The following TLN2 variants were observed in gnomAD, a reference collection of about 807,000 sequenced individuals.
TLN2 encodes talin 2.
In TLN2, 118 loss-of-function variants were observed where a neutral mutation model predicts 294.7. The observed-to-expected ratio is 0.40, with a 90% CI of 0.34 to 0.47. TLN2 has a LOEUF of 0.47. Ranked by LOEUF, TLN2 falls within the 20% of genes least tolerant of loss-of-function variation. TLN2 has a pLI of 0.84. For synonymous variants in TLN2, 1,431 were observed against 1,304.5 expected (o/e 1.10, Z -2.09); for missense variants, 3,083 against 3,282.2 (o/e 0.94, Z 1.48).
intron 1 of TLN2, among the ~76,000 whole-genome samples, chr15:62,557,942 G>A (rs781429317): frequency 3.3e-5 from 5 of 152,218 alleles, no homozygotes; most frequent in Admixed American, 6.5e-5. Flanking sequence ...GGTTCTTGGA[G>A]CCCTGTGTTC....
chr15:62,799,602 C>T (rs1015641508), intron 48 of TLN2, among the ~76,000 whole-genome samples: 2 of 152,194 alleles, frequency 1.3e-5, no homozygotes, highest in African/African-American at 2.4e-5. Flanking sequence ...CTGTTACAAG[C>T]GTGAAACAAA....
intron 1 of TLN2, among the ~76,000 whole-genome samples, chr15:62,588,767 T>G (rs1201383090): frequency 7.1e-6 from 1 of 141,230 alleles, no homozygotes; most frequent in Non-Finnish European, 1.5e-5. Context: ...TATAAAGGAC[T>G]GAGACATGTA....
At chr15:62,581,515 C>G (rs2045026756) in intron 1 of TLN2, among the ~76,000 whole-genome samples, 1 of 151,992 alleles carries the variant, frequency 6.6e-6, no homozygotes. Flanking sequence ...TTTAAAGGGT[C>G]CAAGTTGGAA....
At position 62,840,462 on chromosome 15, in the gene TLN2, G is replaced by C; in HGVS notation, c.7501-20G>C. 3 of 1,613,778 alleles carry C rather than the reference G, an allele frequency of 1.9e-6. No homozygotes were observed. The highest frequency in any genetic ancestry group is 2.5e-6 in the Non-Finnish European group (3 of 1,179,794). Reference sequence around the variant, plus strand: ...TTCTACAAAGTGTTAGGTCCATCCAGCTTGTTGCTTTCTTTCTAGATCATC... The same window carrying C: ...TTCTACAAAGTGTTAGGTCCATCCACCTTGTTGCTTTCTTTCTAGATCATC... On this transcript the variant is annotated intron_variant, in intron 58 of 58. Coordinates refer to ENST00000636159, the MANE Select transcript of TLN2 (RefSeq NM_015059.3).
chr15:62,431,419 T>C (rs1245807691), intron 1 of TLN2, among the ~76,000 whole-genome samples: 1 of 152,268 alleles, frequency 6.6e-6, no homozygotes, highest in Admixed American at 6.5e-5. Flanking sequence ...GACTGTGCAC[T>C]GATGACATGT....
At chr15:62,648,830 T>A (rs1163201362) in intron 4 of TLN2, among the ~76,000 whole-genome samples, 1 of 152,072 alleles carries the variant, frequency 6.6e-6, no homozygotes, top group Non-Finnish European at 1.5e-5. Flanking sequence ...ATTACAGACG[T>A]GAGCCACCAC....
intron 3 of TLN2, among the ~76,000 whole-genome samples, chr15:62,630,561 C>A (rs745463970): frequency 6.6e-6 from 1 of 152,176 alleles, no homozygotes; most frequent in Non-Finnish European, 1.5e-5. Context: ...CTCCAGCAGT[C>A]CGAGGCCAGG....
At chr15:62,769,028 T>C (rs1382711809) in intron 41 of TLN2, among the ~76,000 whole-genome samples, 1 of 152,258 alleles carries the variant, frequency 6.6e-6, no homozygotes, top group East Asian at 1.9e-4. Flanking sequence ...AAGTCCTTCA[T>C]GGCCCAGCCA....
chr15:62,595,412 CAAAAAA>C lies in TLN2; in HGVS notation c.-162+5664_-162+5669del, dbSNP rs35989710. Among the ~76,000 whole-genome samples, 15 of 82,166 alleles carry C rather than the reference CAAAAAA, an allele frequency of 1.8e-4. No individual in the cohort carries two copies. In the South Asian group the frequency reaches 6.7e-3, roughly 37 times the overall value. The allele number at this position is 82,166 out of a possible 152,430, so 53.9% of individuals were successfully genotyped here. A position where few individuals can be genotyped will look rare whatever the true frequency, so the allele number is the denominator to read the frequency against. On this transcript the variant is annotated intron_variant, in intron 2 of 58. Coordinates refer to ENST00000636159, the MANE Select transcript of TLN2 (RefSeq NM_015059.3). Reference sequence around the variant, plus strand: ...TCCAGCCTGGGTGCAGACTCCGTCTCAAAAAAAAAAAAAAAAAAAGGATGAAAGATA... The same window carrying C: ...TCCAGCCTGGGTGCAGACTCCGTCTCAAAAAAAAAAAAAGGATGAAAGATA...
chr15:62,681,909 C>T (rs953893341), intron 11 of TLN2, among the ~76,000 whole-genome samples: 4 of 152,200 alleles, frequency 2.6e-5, no homozygotes, highest in South Asian at 2.1e-4. Flanking sequence ...CGTGCCACCA[C>T]GCCCAGCTAA....
intron 19 of TLN2, among the ~76,000 whole-genome samples, chr15:62,703,289 G>A (rs2058830769): frequency 6.6e-6 from 1 of 151,876 alleles, no homozygotes; most frequent in African/African-American, 2.4e-5. Flanking sequence ...TTTTAGTAGA[G>A]ACGGGGTTTC....
chr15:62,655,369 G>C (rs1015715666), intron 7 of TLN2, among the ~76,000 whole-genome samples: 1 of 152,132 alleles, frequency 6.6e-6, no homozygotes, highest in East Asian at 1.9e-4. Context: ...TCTCAGAATG[G>C]CTGAGATTTA....
At chr15:62,754,430 T>C (rs895522328) in intron 36 of TLN2, 2 of 152,316 alleles carry the variant, frequency 1.3e-5, no homozygotes, top group Non-Finnish European at 2.9e-5. Flanking sequence ...GGGTAGAATC[T>C]GCAGCACAGA....
chr15:62,753,767 T>G lies in TLN2; in HGVS notation c.4333-6T>G, dbSNP rs376693380. 3.6e-5 allele frequency: 57 copies of G among 1,602,710 alleles called. No homozygotes were observed. Among genetic ancestry groups the G allele is most frequent in the Non-Finnish European group, 4.7e-5 (55 of 1,174,738 alleles). ...CTGAGCTGTGGTTTTTCTCTTCCCT[T>G]TCTAGGCTGCATACTTGGTTGGCAT... On this transcript the variant is annotated splice_polypyrimidine_tract_variant and splice_region_variant and intron_variant, in intron 35 of 58. Coordinates refer to ENST00000636159, the MANE Select transcript of TLN2 (RefSeq NM_015059.3).
rs540391085 is a variant in TLN2, at chr15:62,702,255, T to C, written c.1905+55T>C. 3.1e-5 allele frequency: 46 copies of C among 1,504,326 alleles called. 1 individual carries two copies. In the South Asian group the frequency reaches 5.4e-4, roughly 18 times the overall value. The allele number at this position is 1,504,326 out of a possible 1,614,324, so 93.2% of individuals were successfully genotyped here. ...GTTCTGATGGGACAGCTGCATCCAC[T>C]GGGGGACCATGGGGCTCTTGCTTCC... is the stretch of plus-strand genomic sequence containing the variant. On this transcript the variant is annotated intron_variant, in intron 18 of 58. Transcript: ENST00000636159.
At chr15:62,529,649 C>G (rs932153067) in intron 1 of TLN2, among the ~76,000 whole-genome samples, 1 of 151,308 alleles carries the variant, frequency 6.6e-6, no homozygotes. Flanking sequence ...CTCTCAGGTA[C>G]CAGTTTCCTT....
intron 12 of TLN2, among the ~76,000 whole-genome samples, chr15:62,690,700 C>T (rs1489372697): frequency 6.7e-6 from 1 of 149,106 alleles, no homozygotes; most frequent in African/African-American, 2.6e-5. Flanking sequence ...GAGATCACGC[C>T]ACTGCACTCC....
At chr15:62,394,961 C>G (rs1260100802) in intron 1 of TLN2, among the ~76,000 whole-genome samples, 1 of 152,112 alleles carries the variant, frequency 6.6e-6, no homozygotes, top group African/African-American at 2.4e-5. Flanking sequence ...TTCTCTTAAT[C>G]AACAATTTAA....
intron 1 of TLN2, among the ~76,000 whole-genome samples, chr15:62,442,492 CAGAAAAAAAAAA>C (rs1419678835): frequency 1.8e-4 from 12 of 65,558 alleles, no homozygotes; most frequent in Admixed American, 9.6e-4. Context: ...GACTCTGTCT[CAGAAAAAAAAAA>C]AAAAAAAAAA....
Sources: gnomAD v4.1 joint callset for allele counts (sites outside exome capture counted in the v4.1 genomes callset) on GRCh38, gnomAD v4.1.1 for gene constraint, MANE v1.5 for transcripts, NCBI Gene and HGNC (gene_info 2026-07-23, HGNC 2026-07-21) for gene names.